IRGM: variants seen among roughly 807,000 people sequenced by gnomAD.
IRGM encodes the protein immunity related GTPase M.
For missense variants in IRGM, 288 were observed against 219.9 expected, an observed-to-expected ratio of 1.31 and a Z score of -1.96; for synonymous variants, 98 against 80.6, an observed-to-expected ratio of 1.22 and a Z score of -1.16.
At chr5:150,867,873 T>C (rs1020083489) in intron 1 of IRGM, among the ~76,000 whole-genome samples, 3 of 152,188 alleles carry the variant, frequency 2.0e-5, no homozygotes, top group Admixed American at 6.5e-5. Flanking sequence ...CCTTGTAGAT[T>C]CTGGACATTA....
At chr5:150,856,136 A>C (rs191744557) in intron 1 of IRGM, among the ~76,000 whole-genome samples, 114 of 152,322 alleles carry the variant, frequency 7.5e-4, no homozygotes, top group Middle Eastern at 3.4e-3. Context: ...TGATTTAAAA[A>C]ATAAAATGTA....
At position 150,855,395 on chromosome 5, in the gene IRGM, G is replaced by A. The variant is rs148798887; in HGVS notation, c.158+6741G>A. The stretch of plus-strand genomic sequence containing the variant: ...TTTGTTTTATTCATTATAATTTTGT[G>A]ATGACTTAGTAAGTAGTTGAATTTT... On this transcript the variant is annotated intron_variant and NMD_transcript_variant, in intron 1 of 3. Coordinates refer to the IRGM transcript ENST00000520549. Among the ~76,000 whole-genome samples the A allele has an allele frequency of 9.4e-4, 143 of 152,170 alleles. 1 individual carries two copies. The highest frequency in any genetic ancestry group is 3.3e-3 in the African/African-American group (137 of 41,534).
Position 150,897,741 on chromosome 5 carries a change from C to G in IRGM, c.*141-2848C>G, listed in dbSNP as rs192719428. Reference sequence around the variant, plus strand: ...TTTCTCTGAACTTCTAAAACAGTAACTGTATTTGACATTTAATTTAATACA... The same window carrying G: ...TTTCTCTGAACTTCTAAAACAGTAAGTGTATTTGACATTTAATTTAATACA... On this transcript the variant is annotated intron_variant and NMD_transcript_variant, in intron 3 of 3. Coordinates refer to the IRGM transcript ENST00000520549. 619 of 315,844 alleles carry G rather than the reference C, an allele frequency of 2.0e-3. 7 individuals are homozygous for G. The highest frequency in any genetic ancestry group is 0.012 in the African/African-American group (563 of 46,756). 19.6% of individuals were successfully genotyped at this position (315,844 alleles called of 1,614,324 possible).
Position 150,848,312 on chromosome 5 carries a change from ACCT to A in IRGM, c.193_195del (p.Pro65del). The A allele has an allele frequency of 6.4e-7, 1 of 1,551,656 alleles. No individual in the cohort carries two copies. Among genetic ancestry groups the A allele is most frequent in the Non-Finnish European group, 8.7e-7 (1 of 1,146,940 alleles). On this transcript the variant is annotated inframe_deletion, in exon 2 of 2. Transcript: ENST00000522154. ...ACACAGGACATGAGGGTAAGGCCTC[ACCT>A]CCTACTGAGCTGGTAAAAGCTACCC...
chr5:150,891,800 T>A (rs1421613999), intron 3 of IRGM, among the ~76,000 whole-genome samples: 1 of 152,068 alleles, frequency 6.6e-6, no homozygotes, highest in Non-Finnish European at 1.5e-5. Flanking sequence ...ACGCTGAGAT[T>A]TTCCGTAGAT....
chr5:150,861,242 G>C (rs1314974151), intron 1 of IRGM, among the ~76,000 whole-genome samples: 1 of 152,190 alleles, frequency 6.6e-6, no homozygotes, highest in Non-Finnish European at 1.5e-5. Flanking sequence ...CTGTCATTTA[G>C]AGCCCTTTTG....
At chr5:150,849,708 G>A (rs1753945871), downstream of IRGM, among the ~76,000 whole-genome samples, 1 of 149,704 alleles carries the variant, frequency 6.7e-6, no homozygotes, top group African/African-American at 2.5e-5. Context: ...CTGGGTTCAA[G>A]CGATTCTCTT....
intron 3 of IRGM, among the ~76,000 whole-genome samples, chr5:150,890,180 G>A (rs1374546919): frequency 6.6e-6 from 1 of 151,934 alleles, no homozygotes; most frequent in Non-Finnish European, 1.5e-5. Context: ...ACTACAAGTT[G>A]AATTTTAAAA....
downstream of IRGM, chr5:150,848,781 G>A: frequency 1.3e-6 from 1 of 755,124 alleles, no homozygotes; most frequent in Non-Finnish European, 2.1e-6. Flanking sequence ...ACAATTTTCG[G>A]GGGCATGTAG....
downstream of IRGM, chr5:150,848,706 T>C (rs536863895): frequency 3.6e-6 from 5 of 1,375,392 alleles, no homozygotes; most frequent in African/African-American, 7.3e-5. Context: ...TCTCCTCCTA[T>C]TGATTCCTTT....
At chr5:150,873,549 C>T (rs1369849317) in intron 1 of IRGM, among the ~76,000 whole-genome samples, 2 of 152,174 alleles carry the variant, frequency 1.3e-5, no homozygotes, top group Non-Finnish European at 2.9e-5. Flanking sequence ...ACACTGATTT[C>T]AGGGACCTAA....
chr5:150,859,570 G>A (rs1257608725), intron 1 of IRGM, among the ~76,000 whole-genome samples: 1 of 151,918 alleles, frequency 6.6e-6, no homozygotes, highest in Admixed American at 6.6e-5. Context: ...ACTTTTTTTG[G>A]TTGGTAAGCT....
intron 1 of IRGM, among the ~76,000 whole-genome samples, chr5:150,857,400 A>G (rs1754073448): frequency 6.6e-6 from 1 of 152,168 alleles, no homozygotes; most frequent in African/African-American, 2.4e-5. Context: ...ATACGTGTGC[A>G]TGTGTCTTTA....
chr5:150,880,338 C>T (rs1212217412), intron 3 of IRGM, among the ~76,000 whole-genome samples: 2 of 152,178 alleles, frequency 1.3e-5, no homozygotes, highest in African/African-American at 4.8e-5. Flanking sequence ...TCTGCAAAAA[C>T]TCATAAGGCA....
At chr5:150,884,066 A>G (rs955887224) in intron 3 of IRGM, among the ~76,000 whole-genome samples, 9 of 152,054 alleles carry the variant, frequency 5.9e-5, no homozygotes, top group African/African-American at 2.2e-4. Context: ...TATTCCAGGA[A>G]TACAAAGATG....
chr5:150,856,970 G>C (rs926932930), intron 1 of IRGM, among the ~76,000 whole-genome samples: 1 of 150,308 alleles, frequency 6.7e-6, no homozygotes, highest in Non-Finnish European at 1.5e-5. Flanking sequence ...TAGCGTACAT[G>C]TGCACAATGT....
intron 2 of IRGM, among the ~76,000 whole-genome samples, chr5:150,879,089 G>C (rs1754407969): frequency 6.6e-6 from 1 of 152,120 alleles, no homozygotes; most frequent in African/African-American, 2.4e-5. Flanking sequence ...GCATAAAAAT[G>C]TTCATATCAG....
At chr5:150,862,940 T>TA (rs968470881) in intron 1 of IRGM, among the ~76,000 whole-genome samples, 20 of 150,816 alleles carry the variant, frequency 1.3e-4, no homozygotes, top group African/African-American at 4.2e-4. Flanking sequence ...AGAAGAAGGC[T>TA]AAAAAAAAGA....
chr5:150,847,554 TGAA>T (rs1753888000), intron 1 of IRGM, 152 bp from the exon 2 acceptor site: 1 of 153,234 alleles, frequency 6.5e-6, no homozygotes, highest in South Asian at 2.1e-4. Flanking sequence ...TCTTGCTCCC[TGAA>T]GAAATGTGCA....
Sources: allele counts gnomAD v4.1 joint callset (sites outside exome capture counted in the v4.1 genomes callset), GRCh38; gene constraint gnomAD v4.1.1; transcripts MANE v1.5; gene names NCBI Gene and HGNC (gene_info 2026-07-23, HGNC 2026-07-21).